CFDP1: variants seen among roughly 807,000 people sequenced by gnomAD.
CFDP1 encodes chromatin remodeling protein CFDP1, also known as heterochromatin-stabilizing protein CFDP1.
A neutral mutation model predicts 40.1 loss-of-function variants in CFDP1; 31 were observed. That is an observed-to-expected ratio of 0.77 (90% CI 0.58 to 1.04). The LOEUF (loss-of-function observed/expected upper bound fraction) is 1.04, where lower values mean the gene tolerates loss of function less well. Ranked by LOEUF, CFDP1 falls within the 50% of genes least tolerant of loss-of-function variation. The pLI is 0.00. For synonymous variants in CFDP1, 167 were observed against 120.0 expected (o/e 1.39, Z -2.56); for missense variants, 423 against 343.4 (o/e 1.23, Z -1.83).
chr16:75,332,018 T>C (rs574000733), intron 5 of CFDP1, among the ~76,000 whole-genome samples: 69 of 152,178 alleles, frequency 4.5e-4, no homozygotes, highest in Non-Finnish European at 7.8e-4. Flanking sequence ...TTTTCAGGAG[T>C]ATAAACTGAG....
chr16:75,347,666 G>A (rs997529330), intron 5 of CFDP1, among the ~76,000 whole-genome samples: 1 of 152,102 alleles, frequency 6.6e-6, no homozygotes, highest in Admixed American at 6.5e-5. Flanking sequence ...GTGAAAGAGC[G>A]AGACTCCGTC....
In CFDP1 at chr16:75,395,205, T is replaced by C. The variant is rs1567670462; in HGVS notation, c.535A>G (p.Thr179Ala). 8 of 1,613,258 alleles carry C rather than the reference T, an allele frequency of 5.0e-6. No individual in the cohort carries two copies. Among genetic ancestry groups the C allele is most frequent in the Non-Finnish European group, 6.8e-6 (8 of 1,179,546 alleles). The change falls in exon 5 of 7, where the codon ACT (threonine) becomes GCT (alanine). Residue 179 changes from threonine (T) to alanine (A), a missense_variant. Transcript: ENST00000283882. ...TTAGATGTAGCATCCACTTCCTTAG[T>C]TACCCTGTGCCAAGGAAAAAGACAT... ...FDFAGEEVRV[T>A]KEVDATSKEA...
intron 5 of CFDP1, among the ~76,000 whole-genome samples, chr16:75,314,501 G>A (rs1297432180): frequency 1.3e-5 from 2 of 152,152 alleles, no homozygotes; most frequent in Admixed American, 1.3e-4. Context: ...GGTAGTTGCT[G>A]ACAGCTAATG....
intron 5 of CFDP1, among the ~76,000 whole-genome samples, chr16:75,319,302 A>G (rs997399857): frequency 2.0e-5 from 3 of 152,136 alleles, no homozygotes; most frequent in African/African-American, 7.2e-5. Context: ...TCGGCCTCCC[A>G]AAGTGCTGGG....
intron 1 of CFDP1, among the ~76,000 whole-genome samples, chr16:75,421,126 T>A (rs974922325): frequency 1.4e-4 from 22 of 151,988 alleles, no homozygotes; most frequent in African/African-American, 5.3e-4. Context: ...GCCACAGAGG[T>A]TCCTGCTGTT....
intron 5 of CFDP1, among the ~76,000 whole-genome samples, chr16:75,315,844 A>G (rs775647670): frequency 2.6e-5 from 4 of 152,208 alleles, no homozygotes; most frequent in African/African-American, 4.8e-5. Flanking sequence ...TATAAAGTCC[A>G]GGTTCAAATT....
intron 5 of CFDP1, among the ~76,000 whole-genome samples, chr16:75,342,649 C>G (rs1030985784): frequency 6.6e-6 from 1 of 152,176 alleles, no homozygotes; most frequent in Non-Finnish European, 1.5e-5. Flanking sequence ...AAAAAACATC[C>G]TTTCTCTAGG....
intron 5 of CFDP1, among the ~76,000 whole-genome samples, chr16:75,322,785 C>T (rs2078374079): frequency 2.0e-5 from 3 of 151,644 alleles, no homozygotes; most frequent in South Asian, 2.1e-4. Context: ...AATCCCAAAT[C>T]GGAAACACTT....
At chr16:75,333,369 C>T (rs975194038) in intron 5 of CFDP1, among the ~76,000 whole-genome samples, 41 of 146,904 alleles carry the variant, frequency 2.8e-4, no homozygotes, top group Admixed American at 5.4e-4. Flanking sequence ...GTGATCCGCC[C>T]GCCTCGGCCT....
intron 5 of CFDP1, among the ~76,000 whole-genome samples, chr16:75,333,356 C>A (rs1184185057): frequency 6.6e-6 from 1 of 151,990 alleles, no homozygotes; most frequent in Middle Eastern, 3.2e-3. Flanking sequence ...ATCTCCTCAC[C>A]TCGTGATCCG....
chr16:75,409,522 G>GACA, intron 4 of CFDP1: 1 of 152,084 alleles, frequency 6.6e-6, no homozygotes, highest in East Asian at 1.9e-4. Flanking sequence ...TTTTTATTGT[G>GACA]TTTTTAGAAA....
chr16:75,310,029 T>TG lies in CFDP1; in HGVS notation c.651-4848dup, dbSNP rs563438285. 5.4e-3 allele frequency among the ~76,000 whole-genome samples: 827 copies of TG among 152,264 alleles called. 2 individuals carry two copies. Among genetic ancestry groups the TG allele is most frequent in the Middle Eastern group, 0.024 (7 of 292 alleles). Reference sequence around the variant, plus strand: ...AGTTCAAAGAAATGCACCATGCACTTGCTCACCCAGATTACATCCCAAATG... The same window carrying TG: ...AGTTCAAAGAAATGCACCATGCACTTGGCTCACCCAGATTACATCCCAAATG... On this transcript the variant is annotated intron_variant, in intron 5 of 6. Coordinates refer to ENST00000283882, the MANE Select transcript of CFDP1 (RefSeq NM_006324.3).
intron 4 of CFDP1, among the ~76,000 whole-genome samples, chr16:75,397,163 C>T (rs3096427): frequency 1.3e-5 from 2 of 151,778 alleles, no homozygotes; most frequent in African/African-American, 4.8e-5. Flanking sequence ...ATCTGCCCGC[C>T]TTGGCCTCCC....
chr16:75,308,011 T>C lies in CFDP1; in HGVS notation c.651-2829A>G, dbSNP rs527321698. 6.6e-5 allele frequency among the ~76,000 whole-genome samples: 10 copies of C among 152,370 alleles called. No individual in the cohort carries two copies. In the South Asian group the frequency reaches 1.9e-3, roughly 28 times the overall value. ...TGTGAACTCTTATTTCAGCTGCAGC[T>C]GCACTAGATGGTTCTGGGCAAGTGC... On this transcript the variant is annotated intron_variant, in intron 5 of 6. Transcript: ENST00000283882.
At position 75,328,798 on chromosome 16, in the gene CFDP1, C is replaced by A. The variant is rs373024657; in HGVS notation, c.651-23616G>T. ...GGTTCAAGCAATTCTCCTGCCTCAG[C>A]CTCCCGAGTAGCTGGGATTACAGGC... On this transcript the variant is annotated intron_variant, in intron 5 of 6. Coordinates refer to ENST00000283882, the MANE Select transcript of CFDP1 (RefSeq NM_006324.3). Among the ~76,000 whole-genome samples the A allele has an allele frequency of 6.4e-3, 961 of 150,730 alleles. 8 individuals carry two copies. Among genetic ancestry groups the A allele is most frequent in the Middle Eastern group, 0.017 (5 of 290 alleles).
intron 5 of CFDP1, among the ~76,000 whole-genome samples, chr16:75,330,983 A>AC (rs1567647802): frequency 6.6e-6 from 1 of 150,842 alleles, no homozygotes; most frequent in African/African-American, 2.4e-5. Context: ...AAAAAAAAAA[A>AC]AACACAAAGT....
chr16:75,307,019 CG>C (rs1397653079), intron 5 of CFDP1, among the ~76,000 whole-genome samples: 1 of 152,046 alleles, frequency 6.6e-6, no homozygotes, highest in Non-Finnish European at 1.5e-5. Flanking sequence ...TGCTACTGCC[CG>C]AATTCTCATT....
chr16:75,405,195 G>A (rs535810912), intron 4 of CFDP1, among the ~76,000 whole-genome samples: 5 of 152,250 alleles, frequency 3.3e-5, no homozygotes, highest in East Asian at 1.9e-4. Context: ...TCAGTCACAC[G>A]CAGTAGGACA....
At chr16:75,311,828 C>G (rs932385612) in intron 5 of CFDP1, among the ~76,000 whole-genome samples, 5 of 148,016 alleles carry the variant, frequency 3.4e-5, no homozygotes, top group African/African-American at 1.2e-4. Flanking sequence ...TGGCCCCGAA[C>G]TCCTGGGCTC....
Sources: allele counts gnomAD v4.1 joint callset (sites outside exome capture counted in the v4.1 genomes callset), GRCh38; gene constraint gnomAD v4.1.1; transcripts MANE v1.5; gene names NCBI Gene and HGNC (gene_info 2026-07-23, HGNC 2026-07-21).